LAPTM5: variants seen among roughly 807,000 people sequenced by gnomAD.
The protein encoded by LAPTM5 is lysosomal protein transmembrane 5.
A neutral mutation model predicts 30.1 loss-of-function variants in LAPTM5; 11 were observed. The observed-to-expected ratio is 0.37, with a 90% CI of 0.23 to 0.60. LAPTM5 has a LOEUF of 0.60. LAPTM5 is among the 20% of genes least tolerant of loss of function. The pLI is 0.71. For synonymous variants in LAPTM5, 151 were observed against 137.9 expected (o/e 1.10, Z -0.67); for missense variants, 324 against 332.5 (o/e 0.97, Z 0.20).
chr1:30,734,921 G>A (rs1363712410), intron 7 of LAPTM5, among the ~76,000 whole-genome samples: 2 of 152,230 alleles, frequency 1.3e-5, no homozygotes, highest in African/African-American at 4.8e-5. Context: ...GGCAGAGGTG[G>A]CATCTTAGTT....
In LAPTM5 at chr1:30,733,614, G is replaced by C; in HGVS notation, c.*214C>G. ...GCATTGTTGGGCTGAATTATGGAGA[G>C]ACCCGAGGAGTGACTCAGCCTAAAG... On this transcript the variant is annotated 3_prime_UTR_variant, in exon 8 of 8. Transcript: ENST00000294507. 1 of 1,530,532 alleles carries C rather than the reference G, an allele frequency of 6.5e-7. No individual in the cohort carries two copies. Among genetic ancestry groups the C allele is most frequent in the Middle Eastern group, 1.7e-4 (1 of 5,956 alleles). The allele number at this position is 1,530,532 out of a possible 1,614,324, so 94.8% of individuals were successfully genotyped here.
intron 1 of LAPTM5, among the ~76,000 whole-genome samples, chr1:30,747,482 C>G (rs956019547): frequency 5.3e-5 from 8 of 152,202 alleles, no homozygotes; most frequent in African/African-American, 1.9e-4. Flanking sequence ...TTCCCACCCC[C>G]ACTCTCCTTT....
intron 6 of LAPTM5, 42 bp downstream of exon 6, chr1:30,737,562 C>T (rs572099767): frequency 8.1e-5 from 120 of 1,486,242 alleles, no homozygotes; most frequent in South Asian, 8.1e-4. Flanking sequence ...CCAGCACAGC[C>T]TCACCACCCC....
intron 1 of LAPTM5, among the ~76,000 whole-genome samples, chr1:30,751,913 G>T (rs897266662): frequency 1.3e-5 from 2 of 152,142 alleles, no homozygotes; most frequent in Admixed American, 6.5e-5. Context: ...AAAGGTGCCC[G>T]CCTGCTCAAG....
chr1:30,749,713 A>T (rs1328527438), intron 1 of LAPTM5, among the ~76,000 whole-genome samples: 1 of 152,154 alleles, frequency 6.6e-6, no homozygotes, highest in Non-Finnish European at 1.5e-5. Context: ...ATCTTGAAGA[A>T]GATTCCCCGA....
chr1:30,757,613 C>T (rs765676667), intron 1 of LAPTM5, 46 bp downstream of exon 1: 1 of 1,588,594 alleles, frequency 6.3e-7, no homozygotes, highest in East Asian at 2.3e-5. Flanking sequence ...GACATTCACA[C>T]TCACACAAGC....
chr1:30,755,848 C>T (rs1026703923), intron 1 of LAPTM5, among the ~76,000 whole-genome samples: 2 of 152,200 alleles, frequency 1.3e-5, no homozygotes, highest in African/African-American at 4.8e-5. Flanking sequence ...ATCAGAAGAG[C>T]GGCCACCAGG....
rs1639843164 is a variant in LAPTM5 at position 30,733,562 on chromosome 1, G to T, written c.*266C>A. 1.3e-6 allele frequency: 2 copies of T among 1,501,370 alleles called. No individual in the cohort carries two copies. The highest frequency in any genetic ancestry group is 8.9e-7 in the Non-Finnish European group (1 of 1,125,124). The allele number at this position is 1,501,370 out of a possible 1,614,324, so 93.0% of individuals were successfully genotyped here. ...TTAGAATGGCCAATCGTCTAAACAA[G>T]TGTCAGAGCTGATTGAAATAAACCA... On this transcript the variant is annotated 3_prime_UTR_variant, in exon 8 of 8. Transcript: ENST00000294507.
At chr1:30,736,944 T>C (rs909211602) in intron 6 of LAPTM5, among the ~76,000 whole-genome samples, 3 of 152,182 alleles carry the variant, frequency 2.0e-5, no homozygotes, top group African/African-American at 7.2e-5. Context: ...TTGAGTCCTC[T>C]ATTTTCCATG....
rs147776668 is a variant in LAPTM5, at chr1:30,743,774, TC to T, written c.88-1226del. ...GGCAACCAGCCACCCACCATCTGTT[TC>T]CCCCTTGCTGACTGTGTGGGTTTTT... On this transcript the variant is annotated intron_variant, in intron 1 of 7. Coordinates refer to ENST00000294507, the MANE Select transcript of LAPTM5 (RefSeq NM_006762.3). Among the ~76,000 whole-genome samples, 1,254 of 145,588 alleles carry T rather than the reference TC, an allele frequency of 8.6e-3. 22 individuals carry two copies. The highest frequency in any genetic ancestry group is 0.03 in the African/African-American group (1,171 of 39,504).
chr1:30,741,972 C>T, intron 2 of LAPTM5: 1 of 403,174 alleles, frequency 2.5e-6, no homozygotes, highest in Non-Finnish European at 4.5e-6. Flanking sequence ...CAGGGTGAGG[C>T]TGAGGAAGGC....
intron 1 of LAPTM5, among the ~76,000 whole-genome samples, chr1:30,750,578 T>C (rs528746256): frequency 6.6e-6 from 1 of 152,318 alleles, no homozygotes; most frequent in Non-Finnish European, 1.5e-5. Flanking sequence ...AAAATTGAAA[T>C]CAGCTCTTTA....
In LAPTM5 at chr1:30,751,319, G is replaced by A. The variant is rs190501569; in HGVS notation, c.87+6340C>T. On this transcript the variant is annotated intron_variant, in intron 1 of 7. Transcript: ENST00000294507. ...GCACAGAGCTGCAGTGGCAGAGAAC[G>A]TGGCCTCTCTGTCCAGCCCAGGGGC... Among the ~76,000 whole-genome samples, 47 of 152,364 alleles carry A rather than the reference G, an allele frequency of 3.1e-4. 1 individual carries two copies. The highest frequency in any genetic ancestry group is 9.4e-4 in the African/African-American group (39 of 41,594).
intron 1 of LAPTM5, among the ~76,000 whole-genome samples, chr1:30,755,181 G>T (rs758460536): frequency 6.6e-6 from 1 of 151,974 alleles, no homozygotes; most frequent in Non-Finnish European, 1.5e-5. Context: ...CATAGGCATT[G>T]GTTCTCAACT....
In LAPTM5 at chr1:30,739,668, G is replaced by A. The variant is rs1370135908; in HGVS notation, c.387+141C>T. The A allele has an allele frequency of 2.1e-6, 2 of 966,008 alleles. No homozygotes were observed. The highest frequency in any genetic ancestry group is 1.5e-6 in the Non-Finnish European group (1 of 688,562). The allele number at this position is 966,008 out of a possible 1,614,324, so 59.8% of individuals were successfully genotyped here. A position where few individuals can be genotyped will look rare whatever the true frequency, so the allele number is the denominator to read the frequency against. ...ACTTGGGGCAATGTGGAGGGACTCA[G>A]AGACTGGGTCAAGACACCAGCCAGG... On this transcript the variant is annotated intron_variant, in intron 4 of 7. Coordinates refer to ENST00000294507, the MANE Select transcript of LAPTM5 (RefSeq NM_006762.3). The surrounding 1 kb of genome is among the most constrained non-coding windows in gnomAD (Gnocchi z 4.2).
At chr1:30,747,253 G>C (rs943886106) in intron 1 of LAPTM5, among the ~76,000 whole-genome samples, 1 of 152,224 alleles carries the variant, frequency 6.6e-6, no homozygotes, top group Admixed American at 6.5e-5. Flanking sequence ...CCACAGGCCT[G>C]GTGGTGCAGG....
At chr1:30,736,515 C>A (rs1639886944) in intron 6 of LAPTM5, among the ~76,000 whole-genome samples, 1 of 152,092 alleles carries the variant, frequency 6.6e-6, no homozygotes, top group African/African-American at 2.4e-5. Context: ...CCCACTGCAG[C>A]CTCAACCTCC....
At chr1:30,737,739 T>C in intron 5 of LAPTM5, 40 bp from the exon 6 acceptor site, 3 of 1,362,054 alleles carry the variant, frequency 2.2e-6, no homozygotes, top group Non-Finnish European at 3.1e-6. Context: ...TCTCTGGACA[T>C]AAGGAATTCC....
intron 6 of LAPTM5, among the ~76,000 whole-genome samples, chr1:30,736,225 G>A (rs540111312): frequency 1.1e-4 from 16 of 152,196 alleles, no homozygotes; most frequent in Non-Finnish European, 1.9e-4. Context: ...TGCTAAAAGG[G>A]GCAAGGTTCT....
Sources: allele counts gnomAD v4.1 joint callset (sites outside exome capture counted in the v4.1 genomes callset), GRCh38; gene constraint gnomAD v4.1.1; non-coding constraint Gnocchi (gnomAD v3.1); transcripts MANE v1.5; gene names NCBI Gene and HGNC (gene_info 2026-07-23, HGNC 2026-07-21).